ADGRB3: variants seen among roughly 807,000 people sequenced by gnomAD.
The protein encoded by ADGRB3 is adhesion G protein-coupled receptor B3.
In ADGRB3, 37 loss-of-function variants were observed where a neutral mutation model predicts 193.4. That is an observed-to-expected ratio of 0.19 (90% CI 0.15 to 0.25). The LOEUF is 0.25. Ranked by LOEUF, ADGRB3 falls within the 10% of genes least tolerant of loss-of-function variation. The pLI is 1.00. For missense variants in ADGRB3, 1,637 were observed against 1,852.9 expected (o/e 0.88, Z 2.14); for synonymous variants, 690 against 644.2 (o/e 1.07, Z -1.08).
intron 3 of ADGRB3, among the ~76,000 whole-genome samples, chr6:68,839,435 G>A (rs1768109185): frequency 6.6e-6 from 1 of 152,142 alleles, no homozygotes; most frequent in African/African-American, 2.4e-5. Context: ...ATTTCTATGT[G>A]GACAATGCTT....
intron 1 of ADGRB3, among the ~76,000 whole-genome samples, chr6:68,636,706 C>A: frequency 6.6e-6 from 1 of 152,102 alleles, no homozygotes; most frequent in East Asian, 1.9e-4. Context: ...GAATTCAGAG[C>A]TATTTCCTCA....
chr6:68,956,917 T>C, intron 8 of ADGRB3, 108 bp downstream of exon 8: 1 of 1,236,848 alleles, frequency 8.1e-7, no homozygotes, highest in Non-Finnish European at 1.1e-6. Context: ...ACTAAAGAAC[T>C]ACTAATGATA....
At chr6:69,082,195 C>G (rs907739116) in intron 17 of ADGRB3, among the ~76,000 whole-genome samples, 7 of 151,956 alleles carry the variant, frequency 4.6e-5, no homozygotes, top group African/African-American at 1.7e-4. Context: ...AAAAAAATTG[C>G]CAGCCTCTGC....
chr6:69,108,542 A>T (rs1469919217), intron 17 of ADGRB3, among the ~76,000 whole-genome samples: 2 of 151,946 alleles, frequency 1.3e-5, no homozygotes, highest in Non-Finnish European at 2.9e-5. Flanking sequence ...TAAACACCTT[A>T]TTTTGTGTGT....
chr6:69,175,317 A>G (rs1719561232), intron 17 of ADGRB3, among the ~76,000 whole-genome samples: 2 of 152,314 alleles, frequency 1.3e-5, no homozygotes, highest in South Asian at 2.1e-4. Context: ...ATTTTTGTAT[A>G]TGGTGAAATG....
chr6:69,339,299 T>C (rs998085066), intron 25 of ADGRB3, 34 bp from the exon 26 acceptor site: 1 of 1,605,694 alleles, frequency 6.2e-7, no homozygotes, highest in East Asian at 2.2e-5. Flanking sequence ...GTGTGATGTA[T>C]AGCTACGTAA....
intron 8 of ADGRB3, among the ~76,000 whole-genome samples, chr6:68,962,104 T>C (rs1768249406): frequency 6.6e-6 from 1 of 152,212 alleles, no homozygotes; most frequent in South Asian, 2.1e-4. Flanking sequence ...TATTGACTTC[T>C]TTAATATTAA....
chr6:68,665,387 G>T (rs1203322799), intron 3 of ADGRB3, among the ~76,000 whole-genome samples: 19 of 151,684 alleles, frequency 1.3e-4, no homozygotes, highest in Admixed American at 5.3e-4. Context: ...AGATAAAAAA[G>T]ATGCTAATTC....
chr6:68,667,992 C>T (rs918205323), intron 3 of ADGRB3, among the ~76,000 whole-genome samples: 8 of 151,710 alleles, frequency 5.3e-5, no homozygotes, highest in Admixed American at 2.0e-4. Flanking sequence ...TCAGAACCAC[C>T]GAGCCAAGCC....
At chr6:69,322,231 A>G (rs892118472) in intron 20 of ADGRB3, among the ~76,000 whole-genome samples, 4 of 151,672 alleles carry the variant, frequency 2.6e-5, no homozygotes, top group East Asian at 1.9e-4. Context: ...TATGTACCAT[A>G]TTTTCTTTAT....
chr6:69,205,659 C>T (rs1267381720), intron 17 of ADGRB3, among the ~76,000 whole-genome samples: 2 of 152,210 alleles, frequency 1.3e-5, no homozygotes, highest in East Asian at 3.9e-4. Context: ...CAAGAGAGGG[C>T]AAACTCTTGG....
At chr6:69,257,477 T>C (rs561650989) in intron 20 of ADGRB3, among the ~76,000 whole-genome samples, 1 of 152,314 alleles carries the variant, frequency 6.6e-6, no homozygotes, top group South Asian at 2.1e-4. Context: ...CTAGAGTTTC[T>C]AGTTTATTTG....
intron 3 of ADGRB3, among the ~76,000 whole-genome samples, chr6:68,681,391 C>T (rs891325290): frequency 6.6e-6 from 1 of 152,102 alleles, no homozygotes; most frequent in African/African-American, 2.4e-5. Context: ...GTGATTCTCC[C>T]ACCTCAGCCC....
At chr6:69,101,038 C>T (rs1227041913) in intron 17 of ADGRB3, among the ~76,000 whole-genome samples, 2 of 148,388 alleles carry the variant, frequency 1.3e-5, no homozygotes, top group Non-Finnish European at 3.0e-5. Flanking sequence ...AGTTATGATC[C>T]TGGAAGCCAT....
At chr6:68,910,254 T>C (rs990408439) in intron 3 of ADGRB3, among the ~76,000 whole-genome samples, 1 of 152,168 alleles carries the variant, frequency 6.6e-6, no homozygotes, top group African/African-American at 2.4e-5. Flanking sequence ...GATGGGGTTG[T>C]TTGTTTTTTT....
chr6:69,247,581 A>G (rs934470200), intron 20 of ADGRB3, among the ~76,000 whole-genome samples: 2 of 151,290 alleles, frequency 1.3e-5, no homozygotes, highest in South Asian at 4.2e-4. Flanking sequence ...CTCCTACAAC[A>G]CTCCTTTCTG....
chr6:69,188,547 G>A (rs1765115294), intron 17 of ADGRB3, among the ~76,000 whole-genome samples: 1 of 152,102 alleles, frequency 6.6e-6, no homozygotes, highest in African/African-American at 2.4e-5. Context: ...GACCTCTGGT[G>A]ATCCACCCAC....
chr6:69,358,149 C>T (rs1166516752), intron 28 of ADGRB3, among the ~76,000 whole-genome samples: 1 of 151,924 alleles, frequency 6.6e-6, no homozygotes, highest in African/African-American at 2.4e-5. Flanking sequence ...TGTCTTTCCT[C>T]TAACAGCTGT....
intron 20 of ADGRB3, among the ~76,000 whole-genome samples, chr6:69,254,226 G>A (rs1271924081): frequency 6.6e-6 from 1 of 152,212 alleles, no homozygotes; most frequent in East Asian, 1.9e-4. Context: ...GTAGTATTCT[G>A]TATTTAGCCC....
Sources: allele counts gnomAD v4.1 joint callset (sites outside exome capture counted in the v4.1 genomes callset), GRCh38; gene constraint gnomAD v4.1.1; transcripts MANE v1.5; gene names NCBI Gene and HGNC (gene_info 2026-07-23, HGNC 2026-07-21).